FBXO25: variants seen among roughly 807,000 people sequenced by gnomAD.
The protein encoded by FBXO25 is F-box protein 25.
FBXO25 carries 45 observed loss-of-function variants against 51.9 expected under a neutral mutation model. The ratio of observed to expected loss-of-function variants is 0.87; its 90% CI spans 0.68 to 1.11. The LOEUF is 1.11. FBXO25 is among the 50% of genes most tolerant of loss of function. The probability of loss-of-function intolerance (pLI) is 0.00; values close to 1 mark genes in which losing one functional copy is unlikely to be tolerated. For missense variants in FBXO25, 507 were observed against 428.5 expected (o/e 1.18, Z -1.62); for synonymous variants, 199 against 151.0 (o/e 1.32, Z -2.33).
chr8:457,460 A>T (rs1162401874), intron 7 of FBXO25, among the ~76,000 whole-genome samples: 2 of 152,166 alleles, frequency 1.3e-5, no homozygotes, highest in Non-Finnish European at 2.9e-5. Context: ...CTGAGGGCAG[A>T]TGCATTGCAT....
chr8:455,756 C>T lies in FBXO25; in HGVS notation c.661-2613C>T, dbSNP rs573926477. 3.3e-5 allele frequency among the ~76,000 whole-genome samples: 5 copies of T among 152,318 alleles called. No individual in the cohort carries two copies. The East Asian group carries it at 7.7e-4, about 23-fold the overall frequency. On this transcript the variant is annotated intron_variant, in intron 7 of 9. Coordinates refer to ENST00000350302, the MANE Select transcript of FBXO25 (RefSeq NM_183420.2). ...AGTGCAGTGTAGGTGTGAGAGATTT[C>T]ATGATGGCAGAGAGCATGTAGCTAA...
chr8:421,831 G>A (rs959798992), intron 2 of FBXO25, among the ~76,000 whole-genome samples: 6 of 152,126 alleles, frequency 3.9e-5, no homozygotes, highest in African/African-American at 1.4e-4. Context: ...TATCAGAAGG[G>A]TAGATGTCCG....
intron 2 of FBXO25, among the ~76,000 whole-genome samples, chr8:414,327 CTT>C (rs1192855969): frequency 6.6e-6 from 1 of 151,970 alleles, no homozygotes; most frequent in Non-Finnish European, 1.5e-5. Context: ...TTTTTACTAT[CTT>C]ATAATTTTTA....
rs372146822 is a variant in FBXO25 at position 456,759 on chromosome 8, A to G, written c.661-1610A>G. Reference sequence around the variant, plus strand: ...GGATGCTTGAGGTGAAGTGGCTTGGAGTGCATCACTGGCGGTCCATGCTCG... The same window carrying G: ...GGATGCTTGAGGTGAAGTGGCTTGGGGTGCATCACTGGCGGTCCATGCTCG... On this transcript the variant is annotated intron_variant, in intron 7 of 9. Transcript: ENST00000350302. Among the ~76,000 whole-genome samples, 71 of 152,262 alleles carry G rather than the reference A, an allele frequency of 4.7e-4. No homozygotes were observed. The East Asian group carries it at 8.1e-3, about 17-fold the overall frequency.
chr8:427,889 AGAT>A (rs1224575262), intron 2 of FBXO25, among the ~76,000 whole-genome samples: 7 of 151,990 alleles, frequency 4.6e-5, no homozygotes, highest in Admixed American at 3.3e-4. Context: ...AATGATTTGA[AGAT>A]GATGGCCCAT....
intron 4 of FBXO25, among the ~76,000 whole-genome samples, 156 bp downstream of exon 4, chr8:433,091 A>G (rs1362503519): frequency 6.6e-6 from 1 of 152,148 alleles, no homozygotes; most frequent in East Asian, 1.9e-4. Flanking sequence ...GCATATGAGG[A>G]GCTTTTGAGG....
In FBXO25 at chr8:432,854, G is replaced by C. The variant is rs757781777; in HGVS notation, c.239-32G>C. 1.4e-5 allele frequency: 21 copies of C among 1,516,882 alleles called. No individual in the cohort carries two copies. In the South Asian group the frequency reaches 2.5e-4, roughly 18 times the overall value. 94.0% of individuals were successfully genotyped at this position (1,516,882 alleles called of 1,614,324 possible). A position where few individuals can be genotyped will look rare whatever the true frequency, so the allele number is the denominator to read the frequency against. On this transcript the variant is annotated intron_variant, in intron 3 of 9. Coordinates refer to ENST00000350302, the MANE Select transcript of FBXO25 (RefSeq NM_183420.2). The stretch of plus-strand genomic sequence containing the variant: ...ATCTTCATTTTGAAATGATTTGCCA[G>C]ATTTTAAAAACAAAGGTAATTTTTA...
intron 5 of FBXO25, among the ~76,000 whole-genome samples, chr8:438,295 G>C (rs1337004828): frequency 1.3e-5 from 2 of 152,158 alleles, no homozygotes; most frequent in African/African-American, 4.8e-5. Context: ...CTGACCTCAA[G>C]TGATCCACCT....
intron 8 of FBXO25, among the ~76,000 whole-genome samples, chr8:460,112 C>A (rs958983582): frequency 6.6e-6 from 1 of 152,026 alleles, no homozygotes; most frequent in African/African-American, 2.4e-5. Flanking sequence ...TGGGATGAGC[C>A]CTCTGCCTCC....
chr8:415,874 C>T (rs965110300), intron 2 of FBXO25, among the ~76,000 whole-genome samples: 1 of 152,096 alleles, frequency 6.6e-6, no homozygotes, highest in Non-Finnish European at 1.5e-5. Flanking sequence ...TAACCTTTTC[C>T]ATCAGATTTC....
intron 2 of FBXO25, among the ~76,000 whole-genome samples, chr8:421,182 T>C (rs1357247730): frequency 1.3e-5 from 2 of 152,218 alleles, no homozygotes; most frequent in Admixed American, 1.3e-4. Flanking sequence ...GAACTGTGTA[T>C]GTGAATGATC....
intron 8 of FBXO25, among the ~76,000 whole-genome samples, chr8:461,417 A>G (rs1362044451): frequency 1.3e-5 from 2 of 152,220 alleles, no homozygotes; most frequent in Admixed American, 1.3e-4. Context: ...GTCACATCCT[A>G]CATGGCAGCA....
intron 7 of FBXO25, among the ~76,000 whole-genome samples, chr8:451,899 A>G (rs1299295411): frequency 6.6e-6 from 1 of 152,236 alleles, no homozygotes; most frequent in Non-Finnish European, 1.5e-5. Context: ...GGCCAAAAGA[A>G]GGTGCAAATC....
chr8:468,094 T>C, intron 9 of FBXO25: 3 of 1,096,126 alleles, frequency 2.7e-6, no homozygotes, highest in Non-Finnish European at 3.3e-6. Flanking sequence ...TTACCTGCGT[T>C]CCTCCTAAGA....
Position 476,695 on chromosome 8 carries a change from T to A in FBXO25, c.*7891T>A, listed in dbSNP as rs1441025064. ...TATTTCTGTAAAATCAGTTGTAATG[T>A]CTCCTCCTGGTTTTTAGTTGTTTTT... On this transcript the variant is annotated 3_prime_UTR_variant, in exon 10 of 10. Coordinates refer to ENST00000350302, the MANE Select transcript of FBXO25 (RefSeq NM_183420.2). 6.6e-6 allele frequency: 1 copy of A among 152,192 alleles called. No homozygotes were observed. Among genetic ancestry groups the A allele is most frequent in the Admixed American group, 6.5e-5 (1 of 15,290 alleles). 9.4% of individuals were successfully genotyped at this position (152,192 alleles called of 1,614,324 possible).
intron 5 of FBXO25, among the ~76,000 whole-genome samples, chr8:446,928 G>GA (rs57304480): frequency 1.3e-5 from 2 of 152,020 alleles, no homozygotes; most frequent in Admixed American, 1.3e-4. Flanking sequence ...AGGAAGGGAT[G>GA]AAAAAACTCC....
At position 450,022 on chromosome 8, in the gene FBXO25, T is replaced by C. The variant is rs771900065; in HGVS notation, c.414T>C (p.Thr138=). 1.2e-6 allele frequency: 2 copies of C among 1,612,378 alleles called. No individual in the cohort carries two copies. Among genetic ancestry groups the C allele is most frequent in the Admixed American group, 1.7e-5 (1 of 59,570 alleles). ...LLQLIAKSQL[T]SLSGVAQKNY... is the part of the protein sequence containing the mutation. ...AGCTAATTGCAAAATCCCAGTTAAC[T>C]TCATTGAGTGGCGTGGCACAGAAGA... Residue 138 remains threonine (T), a synonymous_variant, in exon 6 of 10, where the codon ACT becomes ACC. Transcript: ENST00000350302.
At chr8:422,262 A>G (rs190335559) in intron 2 of FBXO25, among the ~76,000 whole-genome samples, 3 of 152,366 alleles carry the variant, frequency 2.0e-5, no homozygotes, top group Admixed American at 2.0e-4. Flanking sequence ...GGCAGCAGGT[A>G]CCTGTGGTGT....
chr8:421,694 G>A (rs1218197096), intron 2 of FBXO25, among the ~76,000 whole-genome samples: 2 of 152,148 alleles, frequency 1.3e-5, no homozygotes, highest in Admixed American at 6.5e-5. Context: ...GGGCCTTAGA[G>A]CAGTGACACC....
Sources: gnomAD v4.1 joint callset for allele counts (sites outside exome capture counted in the v4.1 genomes callset) on GRCh38, gnomAD v4.1.1 for gene constraint, MANE v1.5 for transcripts, NCBI Gene and HGNC (gene_info 2026-07-23, HGNC 2026-07-21) for gene names.